ZNF804B: variants seen among roughly 807,000 people sequenced by gnomAD.
ZNF804B encodes the protein zinc finger protein 804B.
In ZNF804B, 80 loss-of-function variants were observed where a neutral mutation model predicts 101.4. The ratio of observed to expected loss-of-function variants is 0.79; its 90% CI spans 0.66 to 0.95. The LOEUF is 0.95. ZNF804B is among the 40% of genes least tolerant of loss of function. The pLI is 0.00. For synonymous variants in ZNF804B, 622 were observed against 558.8 expected (o/e 1.11, Z -1.59); for missense variants, 1,673 against 1,561.9 (o/e 1.07, Z -1.20).
At chr7:88,878,587 A>G (rs1379784108) in intron 1 of ZNF804B, among the ~76,000 whole-genome samples, 2 of 152,150 alleles carry the variant, frequency 1.3e-5, no homozygotes, top group Non-Finnish European at 2.9e-5. Flanking sequence ...AATAAAAACT[A>G]GATTTCTTTT....
At chr7:89,272,175 G>A (rs1209825901) in intron 2 of ZNF804B, among the ~76,000 whole-genome samples, 1 of 151,842 alleles carries the variant, frequency 6.6e-6, no homozygotes, top group Non-Finnish European at 1.5e-5. Flanking sequence ...CGCTCATATT[G>A]TTCTTTCTAC....
At chr7:88,995,956 C>G (rs1192248526) in intron 1 of ZNF804B, among the ~76,000 whole-genome samples, 1 of 151,890 alleles carries the variant, frequency 6.6e-6, no homozygotes, top group African/African-American at 2.4e-5. Flanking sequence ...CTGTGAAGGT[C>G]ATTAAAAACA....
chr7:89,064,060 A>G (rs1223303361), intron 1 of ZNF804B, among the ~76,000 whole-genome samples: 2 of 152,128 alleles, frequency 1.3e-5, no homozygotes, highest in African/African-American at 4.8e-5. Flanking sequence ...AGCGTTCAGA[A>G]TATTTATTAG....
chr7:89,185,172 T>C lies in ZNF804B; in HGVS notation c.109-32983T>C, dbSNP rs984936950. Among the ~76,000 whole-genome samples the C allele has an allele frequency of 3.3e-5, 5 of 152,334 alleles. No individual in the cohort carries two copies. The East Asian group carries it at 5.8e-4, about 18-fold the overall frequency. ...AAATGTAATTACAGCTTACCATATA[T>C]GTGAACAGATCGATTTCAGAAAGTG... On this transcript the variant is annotated intron_variant, in intron 1 of 3. Coordinates refer to ENST00000333190, the MANE Select transcript of ZNF804B (RefSeq NM_181646.5).
intron 2 of ZNF804B, among the ~76,000 whole-genome samples, chr7:89,320,382 A>C (rs968768064): frequency 6.6e-6 from 1 of 152,160 alleles, no homozygotes; most frequent in Non-Finnish European, 1.5e-5. Context: ...TCAAAGATAA[A>C]GAATTTTTCT....
intron 1 of ZNF804B, among the ~76,000 whole-genome samples, chr7:88,840,690 A>G (rs1297768026): frequency 2.6e-5 from 4 of 151,716 alleles, no homozygotes; most frequent in Non-Finnish European, 4.4e-5. Flanking sequence ...AATTGAATAC[A>G]TTAACTAATA....
At chr7:89,089,923 A>G (rs1789857062) in intron 1 of ZNF804B, among the ~76,000 whole-genome samples, 1 of 152,110 alleles carries the variant, frequency 6.6e-6, no homozygotes. Flanking sequence ...GAAGAACCCA[A>G]AGATCTATGT....
At position 89,272,627 on chromosome 7, in the gene ZNF804B, C is replaced by T. The variant is rs145583452; in HGVS notation, c.249+54332C>T. Among the ~76,000 whole-genome samples the T allele has an allele frequency of 1.4e-4, 21 of 152,176 alleles. No homozygotes were observed. The East Asian group carries it at 3.9e-3, about 28-fold the overall frequency. On this transcript the variant is annotated intron_variant, in intron 2 of 3. Transcript: ENST00000333190. ...AAAATAACTAAGTTTTCCCGCTACC[C>T]CTTTATGTTCCTGTCACTTTTAAAA...
At position 89,266,743 on chromosome 7, in the gene ZNF804B, C is replaced by T. The variant is rs535335082; in HGVS notation, c.249+48448C>T. ...CTCTTTATGTTTCTTTATTTGGTTCCAAAAATATTGGCATTGTAATAAGTA... is the reference window on the plus strand; with the variant it reads ...CTCTTTATGTTTCTTTATTTGGTTCTAAAAATATTGGCATTGTAATAAGTA... On this transcript the variant is annotated intron_variant, in intron 2 of 3. Coordinates refer to ENST00000333190, the MANE Select transcript of ZNF804B (RefSeq NM_181646.5). 9.2e-5 allele frequency among the ~76,000 whole-genome samples: 14 copies of T among 151,814 alleles called. No homozygotes were observed. In the South Asian group the frequency reaches 2.9e-3, roughly 32 times the overall value.
At chr7:89,026,000 AC>A (rs984171853) in intron 1 of ZNF804B, among the ~76,000 whole-genome samples, 4 of 152,022 alleles carry the variant, frequency 2.6e-5, no homozygotes, top group Non-Finnish European at 5.9e-5. Flanking sequence ...CTACCCCTTC[AC>A]CCTGAAACCA....
chr7:89,286,064 G>A (rs1221626965), intron 2 of ZNF804B, among the ~76,000 whole-genome samples: 1 of 152,162 alleles, frequency 6.6e-6, no homozygotes, highest in Admixed American at 6.5e-5. Context: ...TCCACTAAGA[G>A]ACTACATTTC....
At position 89,334,066 on chromosome 7, in the gene ZNF804B, C is replaced by G. The variant is rs2116000619; in HGVS notation, c.1084C>G (p.Gln362Glu). 6.2e-7 allele frequency: 1 copy of G among 1,613,560 alleles called. No homozygotes were observed. The highest frequency in any genetic ancestry group is 2.2e-5 in the East Asian group (1 of 44,858). The change falls in exon 4 of 4, where the codon CAA becomes GAA. Residue 362 changes from glutamine (Q) to glutamate (E), a missense_variant. Gln to Glu is a conservative substitution (Grantham distance 29). Transcript: ENST00000333190. ...AGAAAATTGTGTTAATCACCCATGC[C>G]AAGCAAATGCTTCCTTCAGCCCACC... ...TLENCVNHPC[Q>E]ANASFSPPNI...
chr7:89,047,965 A>T (rs921416279), intron 1 of ZNF804B, among the ~76,000 whole-genome samples: 3 of 150,846 alleles, frequency 2.0e-5, no homozygotes, highest in Non-Finnish European at 4.4e-5. Context: ...TCTTTTTATT[A>T]ATTTCCATAG....
intron 2 of ZNF804B, among the ~76,000 whole-genome samples, chr7:89,234,194 A>G (rs777637989): frequency 6.6e-6 from 1 of 152,136 alleles, no homozygotes; most frequent in African/African-American, 2.4e-5. Context: ...AGATATGGCA[A>G]TTAATTGTTG....
chr7:88,947,496 C>A (rs1173925287), intron 1 of ZNF804B, among the ~76,000 whole-genome samples: 2 of 151,270 alleles, frequency 1.3e-5, no homozygotes, highest in Non-Finnish European at 2.9e-5. Context: ...AGGGGAACAT[C>A]AAACACCAGG....
chr7:88,854,414 C>CCTTTCTTTCTTTCTTCCTTTCTTT lies in ZNF804B; in HGVS notation c.108+94345_108+94346insCCTTTCTTTCTTTCTTTCTTTCTT, dbSNP rs1554340149. Among the ~76,000 whole-genome samples, 401 of 57,060 alleles carry CCTTTCTTTCTTTCTTCCTTTCTTT rather than the reference C, an allele frequency of 7.0e-3. 10 individuals are homozygous for CCTTTCTTTCTTTCTTCCTTTCTTT. Among genetic ancestry groups the CCTTTCTTTCTTTCTTCCTTTCTTT allele is most frequent in the East Asian group, 0.04 (53 of 1,324 alleles). 37.4% of individuals were successfully genotyped at this position (57,060 alleles called of 152,430 possible). ...TTCTTTCTTTCTTTCTTTCTTTCTT[C>CCTTTCTTTCTTTCTTCCTTTCTTT]CTTTCTTTCTTTCTTTCTTTCTTTC... On this transcript the variant is annotated intron_variant, in intron 1 of 3. Transcript: ENST00000333190.
At chr7:89,110,270 T>C (rs1363998940) in intron 1 of ZNF804B, among the ~76,000 whole-genome samples, 1 of 152,182 alleles carries the variant, frequency 6.6e-6, no homozygotes, top group Non-Finnish European at 1.5e-5. Context: ...TACTAATTCA[T>C]GAGAAACCAG....
intron 1 of ZNF804B, among the ~76,000 whole-genome samples, chr7:89,068,817 G>A (rs1190632884): frequency 6.6e-6 from 1 of 152,180 alleles, no homozygotes; most frequent in Non-Finnish European, 1.5e-5. Context: ...ACTAGTCTAG[G>A]AAATTTGGAC....
intron 2 of ZNF804B, among the ~76,000 whole-genome samples, chr7:89,224,852 T>G (rs374495425): frequency 1.4e-3 from 214 of 151,990 alleles, no homozygotes; most frequent in African/African-American, 4.9e-3. Flanking sequence ...GATCTTAGCT[T>G]CCTGCTCCTA....
Sources: gnomAD v4.1 joint callset for allele counts (sites outside exome capture counted in the v4.1 genomes callset) on GRCh38, gnomAD v4.1.1 for gene constraint, MANE v1.5 for transcripts, NCBI Gene and HGNC (gene_info 2026-07-23, HGNC 2026-07-21) for gene names.